The following RAPGEF1 variants were observed in gnomAD, a reference collection of about 807,000 sequenced individuals.
The protein encoded by RAPGEF1 is CRK SH3-binding GNRP.
Under a neutral mutation model 143.3 loss-of-function variants are expected in RAPGEF1, and 33 were observed. The ratio of observed to expected loss-of-function variants is 0.23; its 90% CI spans 0.17 to 0.31. RAPGEF1 has a LOEUF of 0.31. Among genes scored for constraint, RAPGEF1 ranks in the 10% least tolerant of loss-of-function variants. RAPGEF1 has a pLI of 1.00. For missense variants in RAPGEF1, 1,199 were observed against 1,645.4 expected (o/e 0.73, Z 4.69); for synonymous variants, 629 against 676.5 (o/e 0.93, Z 1.09).
chr9:131,680,869 CGAGCTG>C (rs533117467), intron 1 of RAPGEF1, among the ~76,000 whole-genome samples: 133 of 152,224 alleles, frequency 8.7e-4, no homozygotes, highest in Non-Finnish European at 1.7e-3. Context: ...TCTCGCGGAC[CGAGCTG>C]GTCTCGGCAA....
intron 4 of RAPGEF1, among the ~76,000 whole-genome samples, chr9:131,639,507 C>T (rs950526094): frequency 1.3e-5 from 2 of 151,778 alleles, no homozygotes; most frequent in Admixed American, 6.6e-5. Flanking sequence ...GTGATGCCAG[C>T]GCCCACAGAC....
At chr9:131,676,353 G>A (rs1832354607) in intron 1 of RAPGEF1, among the ~76,000 whole-genome samples, 1 of 152,194 alleles carries the variant, frequency 6.6e-6, no homozygotes, top group South Asian at 2.1e-4. Context: ...TGGGACATGG[G>A]AATCACCTGT....
intron 12 of RAPGEF1, among the ~76,000 whole-genome samples, chr9:131,618,047 C>T (rs1056679161): frequency 6.6e-6 from 1 of 152,244 alleles, no homozygotes; most frequent in African/African-American, 2.4e-5. Context: ...ACCCATGCCC[C>T]GTGCAACATG....
chr9:131,605,691 G>A lies in RAPGEF1; in HGVS notation c.2062-503C>T, dbSNP rs140057803. On this transcript the variant is annotated intron_variant, in intron 12 of 26. Coordinates refer to ENST00000683357, the MANE Select transcript of RAPGEF1 (RefSeq NM_001377935.1). ...CACAAACCTTAAGCGTGGCTGGCAA[G>A]CTGCACTATGGAAATGCTAACGATG... 8.5e-5 allele frequency among the ~76,000 whole-genome samples: 13 copies of A among 152,150 alleles called. No individual in the cohort carries two copies. The East Asian group carries it at 2.5e-3, about 29-fold the overall frequency.
At chr9:131,620,804 G>GATAAT (rs1960711770) in intron 11 of RAPGEF1, among the ~76,000 whole-genome samples, 1 of 152,208 alleles carries the variant, frequency 6.6e-6, no homozygotes, top group South Asian at 2.1e-4. Context: ...GTAATCCAGG[G>GATAAT]ACATTTGTCC....
intron 1 of RAPGEF1, among the ~76,000 whole-genome samples, chr9:131,716,528 G>A (rs895238351): frequency 2.0e-5 from 3 of 152,244 alleles, no homozygotes; most frequent in African/African-American, 7.2e-5. Context: ...CACTTTGGGA[G>A]GCAGAGGTAG....
At chr9:131,724,242 G>T (rs1378340435) in intron 1 of RAPGEF1, among the ~76,000 whole-genome samples, 2 of 152,168 alleles carry the variant, frequency 1.3e-5, no homozygotes, top group African/African-American at 2.4e-5. Flanking sequence ...TTTCAGACAT[G>T]CTTTCAGGAA....
chr9:131,721,199 G>A (rs749269846), intron 1 of RAPGEF1, among the ~76,000 whole-genome samples: 2 of 152,116 alleles, frequency 1.3e-5, no homozygotes, highest in South Asian at 2.1e-4. Context: ...TTTGTGGAAC[G>A]CGATAGATGT....
At chr9:131,665,579 C>T (rs1830297039) in intron 1 of RAPGEF1, among the ~76,000 whole-genome samples, 1 of 152,070 alleles carries the variant, frequency 6.6e-6, no homozygotes, top group African/African-American at 2.4e-5. Flanking sequence ...GTTTGAAAAC[C>T]TCTGATGGCA....
intron 1 of RAPGEF1, among the ~76,000 whole-genome samples, chr9:131,671,331 G>A (rs960184207): frequency 2.6e-5 from 4 of 152,232 alleles, no homozygotes; most frequent in Admixed American, 6.5e-5. Context: ...GAGGAGGCAC[G>A]GGCCACACGG....
chr9:131,637,670 C>G (rs549790812), intron 5 of RAPGEF1, among the ~76,000 whole-genome samples: 2 of 152,266 alleles, frequency 1.3e-5, no homozygotes, highest in Admixed American at 1.3e-4. Flanking sequence ...GCATCTAGCA[C>G]CACATAATTA....
chr9:131,660,770 T>C (rs112676449), intron 1 of RAPGEF1, among the ~76,000 whole-genome samples: 14,647 of 152,030 alleles, frequency 0.096, 824 homozygotes, highest in Middle Eastern at 0.27. Flanking sequence ...GCAGAAGGGG[T>C]GAGGAGGGAT....
chr9:131,604,942 A>G lies in RAPGEF1; in HGVS notation c.2308T>C (p.Phe770Leu). 1 of 1,302,496 alleles carries G rather than the reference A, an allele frequency of 7.7e-7. No homozygotes were observed. The highest frequency in any genetic ancestry group is 1.5e-5 in the African/African-American group (1 of 65,382). The allele number at this position is 1,302,496 out of a possible 1,614,324, so 80.7% of individuals were successfully genotyped here. ...CGCTGAGTTCTCACCGAGTCAGTGA[A>G]AGAGGTTTCGGAAGGAAGGCAGACA... ...NTVCLPSETS[F>L]TDSSENASEE... The change falls in exon 13 of 27, where the codon TTC becomes CTC. Residue 770 changes from phenylalanine to leucine, a missense_variant. Transcript: ENST00000683357.
At chr9:131,607,628 G>A (rs1957321749) in intron 12 of RAPGEF1, among the ~76,000 whole-genome samples, 1 of 152,108 alleles carries the variant, frequency 6.6e-6, no homozygotes. Flanking sequence ...TTCAGGGAGT[G>A]GCTCAATCTT....
chr9:131,627,506 C>T (rs1451088550), intron 9 of RAPGEF1, among the ~76,000 whole-genome samples: 1 of 152,198 alleles, frequency 6.6e-6, no homozygotes, highest in African/African-American at 2.4e-5. Context: ...GCACAGTACA[C>T]ATTCAGCACT....
Position 131,650,099 on chromosome 9 carries a change from A to G in RAPGEF1, c.315+30T>C, listed in dbSNP as rs757952176. 1.3e-6 allele frequency: 2 copies of G among 1,565,848 alleles called. No individual in the cohort carries two copies. Among genetic ancestry groups the G allele is most frequent in the Non-Finnish European group, 1.8e-6 (2 of 1,140,792 alleles). The stretch of plus-strand genomic sequence containing the variant: ...AGGATTCTGCAGTAGAAGGCAAGGC[A>G]AACCCAATTGTTCTTAATGTTACAC... On this transcript the variant is annotated intron_variant, in intron 3 of 26. Coordinates refer to ENST00000683357, the MANE Select transcript of RAPGEF1 (RefSeq NM_001377935.1). The surrounding 1 kb of genome is among the most constrained non-coding windows in gnomAD (Gnocchi z 4.7).
rs142475471 is a variant in RAPGEF1 at position 131,581,545 on chromosome 9, A to G, written c.3512+1060T>C. 3.2e-3 allele frequency among the ~76,000 whole-genome samples: 483 copies of G among 152,048 alleles called. 2 individuals are homozygous for G. Among genetic ancestry groups the G allele is most frequent in the African/African-American group, 0.011 (458 of 41,500 alleles). The stretch of plus-strand genomic sequence containing the variant: ...CTCTACTAAAAAAAATACAAAAAAA[A>G]AAAATTAGCCAGGCGTGGTTGCGCA... On this transcript the variant is annotated intron_variant, in intron 25 of 26. Transcript: ENST00000683357.
At chr9:131,718,606 A>G (rs892172397) in intron 1 of RAPGEF1, among the ~76,000 whole-genome samples, 6 of 152,158 alleles carry the variant, frequency 3.9e-5, no homozygotes, top group Admixed American at 3.9e-4. Context: ...GCTGGGAGAG[A>G]GGAGGCAAGG....
chr9:131,711,215 T>C (rs11243482), intron 1 of RAPGEF1, among the ~76,000 whole-genome samples: 14,426 of 151,702 alleles, frequency 0.095, 1,023 homozygotes, highest in African/African-American at 0.19. Context: ...CTCGCCTGGC[T>C]AATTTTTAAA....
Sources: gnomAD v4.1 joint callset for allele counts (sites outside exome capture counted in the v4.1 genomes callset) on GRCh38, gnomAD v4.1.1 for gene constraint, Gnocchi (gnomAD v3.1) non-coding constraint, MANE v1.5 for transcripts, NCBI Gene and HGNC (gene_info 2026-07-23, HGNC 2026-07-21) for gene names.